NEGR1: variants seen among roughly 807,000 people sequenced by gnomAD.
The protein encoded by NEGR1 is neuronal growth regulator 1.
NEGR1 carries 10 observed loss-of-function variants against 40.9 expected under a neutral mutation model. The observed-to-expected ratio is 0.24, with a 90% CI of 0.15 to 0.42. The LOEUF is 0.42. NEGR1 is among the 10% of genes least tolerant of loss of function. The pLI is 1.00. For synonymous variants in NEGR1, 185 were observed against 166.8 expected, an observed-to-expected ratio of 1.11 and a Z score of -0.84; for missense variants, 352 against 438.9, an observed-to-expected ratio of 0.80 and a Z score of 1.77.
intron 2 of NEGR1, among the ~76,000 whole-genome samples, chr1:71,786,309 G>T (rs1351196626): frequency 1.3e-5 from 2 of 151,904 alleles, no homozygotes; most frequent in Non-Finnish European, 2.9e-5. Context: ...ATAGATCCTA[G>T]AAATTTCCAT....
chr1:71,762,415 T>C (rs915195649), intron 3 of NEGR1, among the ~76,000 whole-genome samples: 3 of 152,128 alleles, frequency 2.0e-5, no homozygotes, highest in Non-Finnish European at 4.4e-5. Flanking sequence ...GTATCAACTA[T>C]AGGCTGTCTG....
chr1:72,022,660 T>C (rs1342117476), intron 1 of NEGR1, among the ~76,000 whole-genome samples: 2 of 151,984 alleles, frequency 1.3e-5, no homozygotes, highest in Admixed American at 1.3e-4. Flanking sequence ...CTTCTGAACA[T>C]GACCCGGTAT....
At chr1:71,465,044 A>G (rs893052706) in intron 6 of NEGR1, among the ~76,000 whole-genome samples, 4 of 152,126 alleles carry the variant, frequency 2.6e-5, no homozygotes, top group East Asian at 1.9e-4. Context: ...GTCTAGGATC[A>G]TTCTGAGGAT....
intron 1 of NEGR1, chr1:72,274,535 T>G (rs1655970978): frequency 1.4e-6 from 1 of 710,666 alleles, no homozygotes; most frequent in African/African-American, 1.8e-5. Flanking sequence ...TCCCAATGTT[T>G]GTTTAAAACT....
chr1:71,905,509 C>T (rs1443329373), intron 2 of NEGR1, among the ~76,000 whole-genome samples: 2 of 151,730 alleles, frequency 1.3e-5, no homozygotes, highest in African/African-American at 4.8e-5. Flanking sequence ...ATCCTTAGAA[C>T]AATGTAAATA....
intron 1 of NEGR1, among the ~76,000 whole-genome samples, chr1:72,133,077 G>C (rs145120247): frequency 6.0e-4 from 91 of 152,044 alleles, no homozygotes; most frequent in African/African-American, 2.1e-3. Context: ...CAATCATTTT[G>C]TCATAACAAT....
intron 4 of NEGR1, among the ~76,000 whole-genome samples, chr1:71,695,324 C>A (rs1653440875): frequency 6.6e-6 from 1 of 151,644 alleles, no homozygotes; most frequent in East Asian, 1.9e-4. Flanking sequence ...CAGGGAGAAG[C>A]AAATGGCAAA....
intron 2 of NEGR1, among the ~76,000 whole-genome samples, chr1:71,923,828 T>G (rs1460920027): frequency 1.3e-5 from 2 of 152,162 alleles, no homozygotes; most frequent in Non-Finnish European, 2.9e-5. Flanking sequence ...TGACCATTCT[T>G]TTGCCTTCCT....
chr1:72,224,894 T>C (rs1654125807), intron 1 of NEGR1, among the ~76,000 whole-genome samples: 2 of 152,078 alleles, frequency 1.3e-5, no homozygotes, highest in Admixed American at 1.3e-4. Context: ...TTCTTATAAT[T>C]ATTAATTTAA....
intron 2 of NEGR1, among the ~76,000 whole-genome samples, chr1:71,888,634 T>C (rs1660808981): frequency 7.6e-6 from 1 of 131,072 alleles, no homozygotes; most frequent in Non-Finnish European, 1.6e-5. Context: ...GCAACGAGGC[T>C]GGGGGAGGGG....
At chr1:72,220,040 C>G (rs551521818) in intron 1 of NEGR1, among the ~76,000 whole-genome samples, 2 of 152,090 alleles carry the variant, frequency 1.3e-5, no homozygotes, top group Non-Finnish European at 2.9e-5. Context: ...ATAGATTCAT[C>G]TTGGAAACTA....
At chr1:71,674,304 C>A (rs1053232553) in intron 4 of NEGR1, among the ~76,000 whole-genome samples, 2 of 152,088 alleles carry the variant, frequency 1.3e-5, no homozygotes, top group African/African-American at 4.8e-5. Context: ...TTGTCACCTG[C>A]AGAAATACCT....
rs1056723239 is a variant in NEGR1 at position 71,459,147 on chromosome 1, C to T, written c.941-51577G>A. Among the ~76,000 whole-genome samples, 11 of 152,222 alleles carry T rather than the reference C, an allele frequency of 7.2e-5. No homozygotes were observed. In the East Asian group the frequency reaches 1.3e-3, roughly 19 times the overall value. On this transcript the variant is annotated intron_variant, in intron 6 of 6. Coordinates refer to ENST00000357731, the MANE Select transcript of NEGR1 (RefSeq NM_173808.3). ...AAGTTCTCCCCTACCATCTTTTAGT[C>T]GATATTTTGGAAAATACTATTCCAA...
intron 6 of NEGR1, among the ~76,000 whole-genome samples, chr1:71,579,755 A>T (rs1649074752): frequency 6.6e-6 from 1 of 152,168 alleles, no homozygotes; most frequent in Non-Finnish European, 1.5e-5. Context: ...TTGTGATGTT[A>T]ATGTGTGGCT....
intron 2 of NEGR1, among the ~76,000 whole-genome samples, chr1:71,925,069 T>TG (rs1190512835): frequency 6.6e-6 from 1 of 152,072 alleles, no homozygotes; most frequent in Non-Finnish European, 1.5e-5. Context: ...ACCATCCTGG[T>TG]TGAGAGTCAA....
rs1659957685 is a variant in NEGR1, at chr1:71,861,837, T to C, written c.409+73242A>G. On this transcript the variant is annotated intron_variant, in intron 2 of 6. Transcript: ENST00000357731. ...ATTTAAGAGGTCTTACTCAACACAG[T>C]AGAACAGAATGAAACAGATTTCACT... 2.0e-5 allele frequency among the ~76,000 whole-genome samples: 3 copies of C among 152,112 alleles called. No individual in the cohort carries two copies. The South Asian group carries it at 6.2e-4, about 31-fold the overall frequency.
intron 2 of NEGR1, among the ~76,000 whole-genome samples, chr1:71,872,084 G>A (rs912234050): frequency 7.2e-5 from 11 of 152,128 alleles, no homozygotes; most frequent in African/African-American, 2.7e-4. Flanking sequence ...TGACAACATA[G>A]GAGATGTCAT....
At chr1:72,048,255 AAAC>A (rs780497983) in intron 1 of NEGR1, among the ~76,000 whole-genome samples, 3 of 151,684 alleles carry the variant, frequency 2.0e-5, no homozygotes, top group Non-Finnish European at 4.4e-5. Flanking sequence ...TTTCTTCGTT[AAAC>A]TAACATTACC....
chr1:71,843,838 C>T (rs567457502), intron 2 of NEGR1, among the ~76,000 whole-genome samples: 90 of 152,178 alleles, frequency 5.9e-4, no homozygotes, highest in Non-Finnish European at 1.2e-3. Context: ...TGAATAGAAT[C>T]GCTCCATTAA....
Sources: allele counts gnomAD v4.1 joint callset (sites outside exome capture counted in the v4.1 genomes callset), GRCh38; gene constraint gnomAD v4.1.1; transcripts MANE v1.5; gene names NCBI Gene and HGNC (gene_info 2026-07-23, HGNC 2026-07-21).